Variants in CCDC13 observed in about 807,000 individuals in gnomAD.
CCDC13 encodes coiled-coil domain containing 13.
CCDC13 carries 70 observed loss-of-function variants against 87.3 expected under a neutral mutation model. The ratio of observed to expected loss-of-function variants is 0.80; its 90% CI spans 0.66 to 0.98. The LOEUF is 0.98. Ranked by LOEUF, CCDC13 falls within the 50% of genes least tolerant of loss-of-function variation. The pLI is 0.00. For synonymous variants in CCDC13, 317 were observed against 360.3 expected, an observed-to-expected ratio of 0.88 and a Z score of 1.36; for missense variants, 842 against 892.0, an observed-to-expected ratio of 0.94 and a Z score of 0.71.
intron 9 of CCDC13, among the ~76,000 whole-genome samples, chr3:42,739,202 A>G (rs1046290134): frequency 1.4e-4 from 21 of 152,194 alleles, no homozygotes; most frequent in Non-Finnish European, 2.6e-4. Context: ...ATTAAAATAT[A>G]TGATCCTAGA....
rs1175210947 is a variant in CCDC13 at position 42,733,454 on chromosome 3, C to T, written c.1511+16G>A. 4 of 1,613,952 alleles carry T rather than the reference C, an allele frequency of 2.5e-6. No homozygotes were observed. Among genetic ancestry groups the T allele is most frequent in the Non-Finnish European group, 3.4e-6 (4 of 1,179,968 alleles). ...AATGTTCACTTTCCAACCCCTCCCT[C>T]CCATTGTTTTCTTACCGAGAAGATC... On this transcript the variant is annotated intron_variant, in intron 11 of 15. Transcript: ENST00000310232.
chr3:42,751,592 G>C (rs1699580139), intron 5 of CCDC13, among the ~76,000 whole-genome samples: 1 of 152,260 alleles, frequency 6.6e-6, no homozygotes, highest in South Asian at 2.1e-4. Context: ...TGGCTGGGCT[G>C]ACAGTGGGAG....
chr3:42,763,613 T>C (rs2125913068), intron 1 of CCDC13, among the ~76,000 whole-genome samples: 1 of 151,390 alleles, frequency 6.6e-6, no homozygotes, highest in South Asian at 2.1e-4. Flanking sequence ...CAAGCAATTC[T>C]CCTGCCTCAG....
chr3:42,765,746 C>T (rs1699918364), intron 1 of CCDC13, among the ~76,000 whole-genome samples: 1 of 152,078 alleles, frequency 6.6e-6, no homozygotes, highest in South Asian at 2.1e-4. Flanking sequence ...GGGGAAGGGA[C>T]GGTGCCTGAG....
intron 11 of CCDC13, 93 bp downstream of exon 11, chr3:42,733,377 C>G (rs763734481): frequency 6.1e-6 from 9 of 1,486,442 alleles, no homozygotes; most frequent in Non-Finnish European, 7.5e-6. Context: ...TAAAATTGCA[C>G]CTGTGGCTTC....
At chr3:42,711,017 G>C (rs1698297007) in intron 14 of CCDC13, among the ~76,000 whole-genome samples, 1 of 151,998 alleles carries the variant, frequency 6.6e-6, no homozygotes, top group South Asian at 2.1e-4. Flanking sequence ...AGGTCTAGGG[G>C]GGTGGATAAT....
At chr3:42,757,478 A>AT (rs1259756084) in intron 2 of CCDC13, among the ~76,000 whole-genome samples, 2 of 152,250 alleles carry the variant, frequency 1.3e-5, no homozygotes, top group Non-Finnish European at 2.9e-5. Context: ...CATGCCTCTA[A>AT]TCCCAGCACT....
At chr3:42,762,589 A>C (rs941691466) in intron 1 of CCDC13, among the ~76,000 whole-genome samples, 1 of 152,214 alleles carries the variant, frequency 6.6e-6, no homozygotes, top group African/African-American at 2.4e-5. Context: ...TACTCCATGT[A>C]AGTTGCCACG....
chr3:42,731,214 C>T (rs1223161479), intron 12 of CCDC13, among the ~76,000 whole-genome samples: 3 of 152,044 alleles, frequency 2.0e-5, no homozygotes, highest in Non-Finnish European at 2.9e-5. Context: ...GCTGTGCCCC[C>T]ACTTTTCCCA....
In CCDC13 at chr3:42,708,972, C is replaced by T. The variant is rs1386094457; in HGVS notation, c.*8G>A. ...CCCACCCGGCCAGGCCGACACTGGG[C>T]TGTCATCCTATTGCTTGCCTGTCTT... On this transcript the variant is annotated 3_prime_UTR_variant, in exon 16 of 16. Coordinates refer to ENST00000310232, the MANE Select transcript of CCDC13 (RefSeq NM_144719.4). 1.9e-6 allele frequency: 3 copies of T among 1,608,132 alleles called. No individual in the cohort carries two copies. Among genetic ancestry groups the T allele is most frequent in the Non-Finnish European group, 1.7e-6 (2 of 1,177,180 alleles).
intron 9 of CCDC13, among the ~76,000 whole-genome samples, chr3:42,739,170 G>C (rs1204773892): frequency 6.6e-6 from 1 of 152,188 alleles, no homozygotes; most frequent in Non-Finnish European, 1.5e-5. Context: ...TTGAGTCTTA[G>C]TTTCCCCATC....
intron 12 of CCDC13, among the ~76,000 whole-genome samples, chr3:42,731,755 C>T (rs1698838073): frequency 6.6e-6 from 1 of 152,190 alleles, no homozygotes; most frequent in Non-Finnish European, 1.5e-5. Flanking sequence ...CCATGCCAGC[C>T]CGAATAGACA....
intron 13 of CCDC13, among the ~76,000 whole-genome samples, chr3:42,728,740 G>T (rs1314552215): frequency 6.6e-6 from 1 of 152,144 alleles, no homozygotes; most frequent in Admixed American, 6.5e-5. Context: ...AAGGAAAAAA[G>T]GCAACAGGTG....
At chr3:42,733,391 T>G in intron 11 of CCDC13, 79 bp downstream of exon 11, 1 of 1,568,326 alleles carries the variant, frequency 6.4e-7, no homozygotes, top group East Asian at 2.2e-5. Context: ...TGGCTTCCCA[T>G]CAGAGGTAGC....
chr3:42,759,747 G>A (rs755101084), intron 1 of CCDC13, among the ~76,000 whole-genome samples: 6 of 152,258 alleles, frequency 3.9e-5, no homozygotes, highest in East Asian at 1.9e-4. Context: ...GAATAAAGCC[G>A]TTATGAACAT....
At chr3:42,769,759 C>T (rs1010534619) in intron 1 of CCDC13, among the ~76,000 whole-genome samples, 1 of 152,242 alleles carries the variant, frequency 6.6e-6, no homozygotes, top group African/African-American at 2.4e-5. Flanking sequence ...GCTTGCCGGC[C>T]AGTGAGGGTT....
chr3:42,709,089 C>T lies in CCDC13; in HGVS notation c.2039G>A (p.Ser680Asn). 1 of 1,613,748 alleles carries T rather than the reference C, an allele frequency of 6.2e-7. No individual in the cohort carries two copies. Among genetic ancestry groups the T allele is most frequent in the Non-Finnish European group, 8.5e-7 (1 of 1,179,788 alleles). The change falls in exon 16 of 16, where the codon AGT becomes AAT. Residue 680 changes from serine (S) to asparagine (N), a missense_variant. Transcript: ENST00000310232. ...GTCCTCCTCCTTTCCCCGCAGGGCA[C>T]TGCCCAGGGCAGCCTTTAGCATTTC... ...ENEMLKAALG[S>N]ALRGKEEDFR...
At chr3:42,767,918 G>T (rs1052506627) in intron 1 of CCDC13, among the ~76,000 whole-genome samples, 2 of 151,438 alleles carry the variant, frequency 1.3e-5, no homozygotes, top group African/African-American at 4.9e-5. Context: ...AGGTTGCAGT[G>T]AGCTGAGATC....
intron 1 of CCDC13, among the ~76,000 whole-genome samples, chr3:42,767,578 C>T (rs888217495): frequency 6.6e-6 from 1 of 152,132 alleles, no homozygotes; most frequent in Non-Finnish European, 1.5e-5. Flanking sequence ...TGGATATCGA[C>T]AAATTGATTC....
Sources: gnomAD v4.1 joint callset for allele counts (sites outside exome capture counted in the v4.1 genomes callset) on GRCh38, gnomAD v4.1.1 for gene constraint, MANE v1.5 for transcripts, NCBI Gene and HGNC (gene_info 2026-07-23, HGNC 2026-07-21) for gene names.